Variants in AKR1E2 observed in about 807,000 individuals in gnomAD.
AKR1E2 encodes aldo-keto reductase family 1 member E2.
Under a neutral mutation model 41.9 loss-of-function variants are expected in AKR1E2, and 43 were observed. That is an observed-to-expected ratio of 1.03 (90% CI 0.80 to 1.32). AKR1E2 has a LOEUF of 1.32. Ranked by LOEUF, AKR1E2 falls within the 40% of genes most tolerant of loss-of-function variation. The pLI is 0.00. For synonymous variants in AKR1E2, 121 were observed against 138.9 expected, an observed-to-expected ratio of 0.87 and a Z score of 0.91; for missense variants, 423 against 396.5, an observed-to-expected ratio of 1.07 and a Z score of -0.57.
chr10:4,844,525 A>C (rs1382748358), intron 8 of AKR1E2, among the ~76,000 whole-genome samples: 2 of 152,124 alleles, frequency 1.3e-5, no homozygotes, highest in Non-Finnish European at 2.9e-5. Context: ...TGATTGGTCC[A>C]TTTTACAGAG....
the AKR1E2 span, among the ~76,000 whole-genome samples, chr10:4,854,370 G>A: frequency 1.3e-5 from 2 of 152,088 alleles, no homozygotes; most frequent in Non-Finnish European, 1.5e-5. Flanking sequence ...GGGATTATAG[G>A]CATGAGCCAC....
the AKR1E2 span, among the ~76,000 whole-genome samples, chr10:4,870,621 T>C: frequency 6.6e-6 from 1 of 151,964 alleles, no homozygotes; most frequent in Admixed American, 6.6e-5. Context: ...CTTGCCTCCA[T>C]GGTTGTTTGA....
chr10:4,845,292 T>G lies in AKR1E2; in HGVS notation c.838-1856T>G, dbSNP rs1290257873. ...CGCGCAGCCCCGATTCCCACCGGCG[T>G]CTCTCCCTCCACACCTCCCCGCAAG... On this transcript the variant is annotated intron_variant, in intron 8 of 9. Transcript: ENST00000298375. 2.6e-5 allele frequency among the ~76,000 whole-genome samples: 4 copies of G among 152,148 alleles called. No individual in the cohort carries two copies. In the East Asian group the frequency reaches 7.8e-4, roughly 30 times the overall value.
chr10:4,854,390 C>T, the AKR1E2 span, among the ~76,000 whole-genome samples: 2 of 152,132 alleles, frequency 1.3e-5, no homozygotes, highest in Admixed American at 6.5e-5. Flanking sequence ...CCGCACCTGG[C>T]CTACTCCTTT....
intron 5 of AKR1E2, among the ~76,000 whole-genome samples, chr10:4,838,661 G>A (rs1833624838): frequency 6.6e-6 from 1 of 152,190 alleles, no homozygotes; most frequent in African/African-American, 2.4e-5. Context: ...CAGCCATTCA[G>A]TAGCTCCCCT....
chr10:4,830,145 C>T (rs1832858094), intron 1 of AKR1E2, among the ~76,000 whole-genome samples: 1 of 152,200 alleles, frequency 6.6e-6, no homozygotes, highest in African/African-American at 2.4e-5. Flanking sequence ...CCCCCATAGT[C>T]TTCCCTAGTT....
the AKR1E2 span, among the ~76,000 whole-genome samples, chr10:4,855,133 T>C: frequency 1.3e-5 from 2 of 152,324 alleles, no homozygotes; most frequent in Admixed American, 6.5e-5. Context: ...GGTCTTTCTC[T>C]GTCCTCCCTG....
chr10:4,864,543 A>G, the AKR1E2 span, among the ~76,000 whole-genome samples: 51 of 151,262 alleles, frequency 3.4e-4, no homozygotes, highest in South Asian at 0.011. Flanking sequence ...CCCTTTGAAA[A>G]CTGGCACAAG....
intron 6 of AKR1E2, among the ~76,000 whole-genome samples, chr10:4,840,741 T>A (rs1833812605): frequency 6.6e-6 from 1 of 152,146 alleles, no homozygotes; most frequent in South Asian, 2.1e-4. Context: ...TTTTTTTAAA[T>A]CTGGCAAACT....
chr10:4,839,408 A>C (rs1230798646), intron 5 of AKR1E2, among the ~76,000 whole-genome samples: 1 of 152,194 alleles, frequency 6.6e-6, no homozygotes, highest in Admixed American at 6.5e-5. Flanking sequence ...CTGTAGAGGA[A>C]AATAAAGGCC....
At position 4,835,823 on chromosome 10, in the gene AKR1E2, C is replaced by A. The variant is rs1339046743; in HGVS notation, c.459+14C>A. On this transcript the variant is annotated intron_variant, in intron 4 of 9. Transcript: ENST00000298375. ...GACACGTGGGAGGTGAGCTGAGCCACACCACCAGGCAGCCTCATCCTGTGT... is the reference window on the plus strand; with the variant it reads ...GACACGTGGGAGGTGAGCTGAGCCAAACCACCAGGCAGCCTCATCCTGTGT... 5 of 1,613,114 alleles carry A rather than the reference C, an allele frequency of 3.1e-6. No individual in the cohort carries two copies. The South Asian group carries it at 5.5e-5, about 18-fold the overall frequency.
At chr10:4,836,826 C>T (rs1446438711) in intron 4 of AKR1E2, among the ~76,000 whole-genome samples, 6 of 152,204 alleles carry the variant, frequency 3.9e-5, no homozygotes, top group Non-Finnish European at 7.3e-5. Context: ...CTAACTGCTG[C>T]GTGTTGGCCC....
the AKR1E2 span, among the ~76,000 whole-genome samples, chr10:4,857,736 G>A: frequency 6.6e-6 from 1 of 152,280 alleles, no homozygotes; most frequent in African/African-American, 2.4e-5. Flanking sequence ...GGTAGGTTAT[G>A]TGTTTCTATG....
chr10:4,868,561 G>A, the AKR1E2 span, among the ~76,000 whole-genome samples: 33,117 of 151,994 alleles, frequency 0.22, 3,804 homozygotes, highest in Middle Eastern at 0.33. Context: ...TACTTTTCTT[G>A]TCTTACTGTA....
chr10:4,858,685 G>C, the AKR1E2 span, among the ~76,000 whole-genome samples: 2 of 152,104 alleles, frequency 1.3e-5, no homozygotes, highest in African/African-American at 4.8e-5. Context: ...TTTCAAGGTG[G>C]AAAGAAGGCA....
intron 2 of AKR1E2, among the ~76,000 whole-genome samples, chr10:4,832,750 T>C (rs1428617672): frequency 6.6e-6 from 1 of 152,194 alleles, no homozygotes. Context: ...TTTACTTTCT[T>C]TTACTTTACT....
At chr10:4,868,727 T>C in the AKR1E2 span, among the ~76,000 whole-genome samples, 1 of 152,226 alleles carries the variant, frequency 6.6e-6, no homozygotes, top group Non-Finnish European at 1.5e-5. Context: ...TCCTATTTTC[T>C]GAAAGTTTTA....
At chr10:4,843,790 C>T (rs981021832) in intron 8 of AKR1E2, among the ~76,000 whole-genome samples, 14 of 152,198 alleles carry the variant, frequency 9.2e-5, no homozygotes, top group South Asian at 4.1e-4. Flanking sequence ...CTCTCCCTGC[C>T]GGGCCCTTGT....
intron 9 of AKR1E2, 64 bp downstream of exon 9, chr10:4,847,294 G>A: frequency 2.5e-6 from 4 of 1,606,014 alleles, no homozygotes; most frequent in Non-Finnish European, 2.6e-6. Flanking sequence ...ATTGGTGTCT[G>A]AATAGGTATT....
Sources: allele counts gnomAD v4.1 joint callset (sites outside exome capture counted in the v4.1 genomes callset), GRCh38; gene constraint gnomAD v4.1.1; transcripts MANE v1.5; gene names NCBI Gene and HGNC (gene_info 2026-07-23, HGNC 2026-07-21).